Variants in ARMH4 observed in about 807,000 individuals in gnomAD.
The protein encoded by ARMH4 is armadillo like helical domain containing 4.
ARMH4 carries 49 observed loss-of-function variants against 61.9 expected under a neutral mutation model. That is an observed-to-expected ratio of 0.79 (90% CI 0.63 to 1.00). ARMH4 has a LOEUF of 1.00. ARMH4 is among the 50% of genes least tolerant of loss of function. The probability of loss-of-function intolerance (pLI) is 0.00; values close to 1 mark genes in which losing one functional copy is unlikely to be tolerated. For missense variants in ARMH4, 934 were observed against 930.0 expected (o/e 1.00, Z -0.06); for synonymous variants, 368 against 341.5 (o/e 1.08, Z -0.85).
At position 58,035,965 on chromosome 14, in the gene ARMH4, A is replaced by G. The variant is rs1160827880; in HGVS notation, c.2090-23815T>C. ...GATGGATTCATAGCCGAATTCTACC[A>G]GAGGTACAAGGAGGAACTGGTACCA... On this transcript the variant is annotated intron_variant, in intron 5 of 7. Transcript: ENST00000267485. 3.1e-5 allele frequency among the ~76,000 whole-genome samples: 4 copies of G among 130,526 alleles called. 1 individual carries two copies. Among genetic ancestry groups the G allele is most frequent in the African/African-American group, 8.4e-5 (3 of 35,642 alleles). The allele number at this position is 130,526 out of a possible 152,430, so 85.6% of individuals were successfully genotyped here. A position where few individuals can be genotyped will look rare whatever the true frequency, so the allele number is the denominator to read the frequency against.
At chr14:58,022,309 TTC>T (rs1206916595) in intron 5 of ARMH4, among the ~76,000 whole-genome samples, 1 of 152,118 alleles carries the variant, frequency 6.6e-6, no homozygotes, top group Non-Finnish European at 1.5e-5. Context: ...ACCCTCCTAA[TTC>T]TCTCTCAGAA....
chr14:58,081,691 A>T (rs995515461), intron 5 of ARMH4, among the ~76,000 whole-genome samples: 1 of 151,672 alleles, frequency 6.6e-6, no homozygotes, highest in Non-Finnish European at 1.5e-5. Context: ...TTTAGTGAAG[A>T]TGGGGTTTCA....
chr14:58,077,285 A>G (rs551962829), intron 5 of ARMH4, among the ~76,000 whole-genome samples: 167 of 152,322 alleles, frequency 1.1e-3, no homozygotes, highest in African/African-American at 3.4e-3. Context: ...GAAACCATGT[A>G]TCAGGCAGAG....
intron 5 of ARMH4, among the ~76,000 whole-genome samples, chr14:58,021,350 G>A (rs560897431): frequency 2.6e-5 from 4 of 152,192 alleles, no homozygotes; most frequent in African/African-American, 7.2e-5. Context: ...TTTTATAAAG[G>A]GCCATTCCCC....
At chr14:58,122,322 A>G (rs1454559026) in intron 4 of ARMH4, among the ~76,000 whole-genome samples, 1 of 152,192 alleles carries the variant, frequency 6.6e-6, no homozygotes, top group Non-Finnish European at 1.5e-5. Flanking sequence ...AAAACTAGGA[A>G]GAAGCCTATG....
chr14:58,132,957 G>A (rs1887167264), intron 3 of ARMH4, 133 bp downstream of exon 3: 2 of 445,166 alleles, frequency 4.5e-6, no homozygotes, highest in African/African-American at 2.1e-5. Context: ...CCAGGTAAAG[G>A]TGTGTGTGTG....
At chr14:58,114,667 A>G (rs1886462420) in intron 4 of ARMH4, among the ~76,000 whole-genome samples, 1 of 152,172 alleles carries the variant, frequency 6.6e-6, no homozygotes, top group Admixed American at 6.5e-5. Flanking sequence ...CCATTTTTAA[A>G]TTCTCCAATT....
intron 6 of ARMH4, among the ~76,000 whole-genome samples, chr14:58,011,798 G>T: frequency 6.8e-6 from 1 of 147,816 alleles, no homozygotes; most frequent in Non-Finnish European, 1.5e-5. Context: ...GGAATGAGAT[G>T]ACAATCCTGA....
At chr14:58,073,300 G>C (rs763378103) in intron 5 of ARMH4, among the ~76,000 whole-genome samples, 1 of 152,164 alleles carries the variant, frequency 6.6e-6, no homozygotes, top group Non-Finnish European at 1.5e-5. Flanking sequence ...AGTGTCCCTT[G>C]TTCACTTAAG....
intron 4 of ARMH4, among the ~76,000 whole-genome samples, chr14:58,107,310 T>C (rs1166670531): frequency 2.6e-5 from 4 of 152,238 alleles, no homozygotes; most frequent in Non-Finnish European, 5.9e-5. Flanking sequence ...ATCTTGACTT[T>C]CAAGGAGAAT....
chr14:58,150,799 T>C (rs561972866), intron 1 of ARMH4, among the ~76,000 whole-genome samples: 57 of 152,220 alleles, frequency 3.7e-4, no homozygotes, highest in Non-Finnish European at 7.4e-4. Context: ...CCTTTAAACC[T>C]CTGTGTGTAA....
At chr14:58,095,334 C>A (rs965570011) in intron 5 of ARMH4, among the ~76,000 whole-genome samples, 12 of 152,160 alleles carry the variant, frequency 7.9e-5, no homozygotes, top group South Asian at 2.1e-4. Context: ...AGTCACTTTA[C>A]GTGTAGATTT....
At chr14:58,080,622 A>G (rs2141241701) in intron 5 of ARMH4, among the ~76,000 whole-genome samples, 1 of 152,210 alleles carries the variant, frequency 6.6e-6, no homozygotes, top group South Asian at 2.1e-4. Context: ...GGGCTGAAAA[A>G]CTACCCATTG....
At chr14:58,030,182 G>C (rs1883177259) in intron 5 of ARMH4, among the ~76,000 whole-genome samples, 1 of 152,192 alleles carries the variant, frequency 6.6e-6, no homozygotes, top group South Asian at 2.1e-4. Context: ...GTGCCATAGA[G>C]AGGGGAGAGA....
At chr14:58,070,323 T>C (rs1884843501) in intron 5 of ARMH4, among the ~76,000 whole-genome samples, 1 of 152,098 alleles carries the variant, frequency 6.6e-6, no homozygotes, top group Non-Finnish European at 1.5e-5. Flanking sequence ...CCAAATACAC[T>C]GGGGGTGAGC....
At chr14:58,074,960 TA>T (rs1884998653) in intron 5 of ARMH4, among the ~76,000 whole-genome samples, 1 of 152,064 alleles carries the variant, frequency 6.6e-6, no homozygotes, top group Admixed American at 6.6e-5. Flanking sequence ...CTTTATATAT[TA>T]AGAGCCGCAT....
chr14:58,131,744 C>T (rs904827589), intron 3 of ARMH4, 23 bp from the exon 4 acceptor site: 3 of 1,601,552 alleles, frequency 1.9e-6, no homozygotes, highest in South Asian at 2.2e-5. Flanking sequence ...ACAGACAGGA[C>T]TTGACCCACA....
chr14:58,092,521 G>C (rs777445006), intron 5 of ARMH4, among the ~76,000 whole-genome samples: 6 of 152,142 alleles, frequency 3.9e-5, no homozygotes, highest in Admixed American at 6.5e-5. Flanking sequence ...TTACCTTGCA[G>C]TCCTGGAGGT....
intron 5 of ARMH4, among the ~76,000 whole-genome samples, chr14:58,073,302 T>C (rs539921899): frequency 6.6e-6 from 1 of 152,370 alleles, no homozygotes; most frequent in South Asian, 2.1e-4. Flanking sequence ...TGTCCCTTGT[T>C]CACTTAAGAA....
Sources: gnomAD v4.1 joint callset for allele counts (sites outside exome capture counted in the v4.1 genomes callset) on GRCh38, gnomAD v4.1.1 for gene constraint, MANE v1.5 for transcripts, NCBI Gene and HGNC (gene_info 2026-07-23, HGNC 2026-07-21) for gene names.